STK4: variants seen among roughly 807,000 people sequenced by gnomAD.
The protein encoded by STK4 is serine/threonine-protein kinase 4.
STK4 carries 30 observed loss-of-function variants against 64.9 expected under a neutral mutation model. The observed-to-expected ratio is 0.46, with a 90% CI of 0.35 to 0.63. The LOEUF (loss-of-function observed/expected upper bound fraction) is 0.63, where lower values mean the gene tolerates loss of function less well. Ranked by LOEUF, STK4 falls within the 20% of genes least tolerant of loss-of-function variation. STK4 has a pLI of 0.01. For missense variants in STK4, 466 were observed against 598.5 expected (o/e 0.78, Z 2.31); for synonymous variants, 177 against 199.0 (o/e 0.89, Z 0.93).
chr20:45,057,347 A>G (rs1978575392), intron 10 of STK4, among the ~76,000 whole-genome samples: 1 of 152,220 alleles, frequency 6.6e-6, no homozygotes, highest in South Asian at 2.1e-4. Context: ...TCTTAGAGGT[A>G]ACACACTATC....
At chr20:44,972,812 A>G (rs1390151949) in intron 2 of STK4, 2 of 152,036 alleles carry the variant, frequency 1.3e-5, no homozygotes, top group South Asian at 2.1e-4. Flanking sequence ...TAAAATGTTA[A>G]TGACACCATT....
intron 10 of STK4, among the ~76,000 whole-genome samples, chr20:45,027,383 T>C (rs1336070629): frequency 7.3e-6 from 1 of 137,440 alleles, no homozygotes. Context: ...TGAGCCGAGA[T>C]CATGCCATTG....
chr20:45,049,895 C>T (rs2068751384), intron 10 of STK4, among the ~76,000 whole-genome samples: 1 of 152,268 alleles, frequency 6.6e-6, no homozygotes, highest in East Asian at 1.9e-4. Context: ...TGTACTCCAT[C>T]ACTTTCCACT....
rs1244915214 is a variant in STK4 at position 44,994,243 on chromosome 20, ATCTT to A, written c.526-845_526-842del. 2.7e-5 allele frequency among the ~76,000 whole-genome samples: 4 copies of A among 149,702 alleles called. No individual in the cohort carries two copies. The Admixed American group carries it at 2.8e-4, about 10-fold the overall frequency. ...GATGTATACAGGATAGACAGTAAAA[ATCTT>A]TAGTGATTCTGCCTACTAGATATAA... On this transcript the variant is annotated intron_variant, in intron 5 of 10. Transcript: ENST00000372806.
intron 10 of STK4, among the ~76,000 whole-genome samples, chr20:45,060,567 G>T (rs550349117): frequency 8.7e-4 from 133 of 152,214 alleles, no homozygotes; most frequent in African/African-American, 2.9e-3. Context: ...ACACGCTAAG[G>T]TTCCTATCCT....
intron 9 of STK4, among the ~76,000 whole-genome samples, chr20:45,022,602 C>T (rs777231983): frequency 1.5e-4 from 23 of 152,126 alleles, no homozygotes; most frequent in Admixed American, 3.3e-4. Context: ...TAGAATTAGA[C>T]CACAGAAATG....
At chr20:45,044,392 T>C (rs2068660869) in intron 10 of STK4, among the ~76,000 whole-genome samples, 1 of 152,158 alleles carries the variant, frequency 6.6e-6, no homozygotes, top group African/African-American at 2.4e-5. Context: ...ATGCCTATAA[T>C]CCCAGCTTTT....
chr20:45,006,091 T>A (rs1172551000), intron 9 of STK4, among the ~76,000 whole-genome samples: 1 of 151,774 alleles, frequency 6.6e-6, no homozygotes, highest in African/African-American at 2.4e-5. Context: ...ATTTTTTTTT[T>A]CCTTCTAATT....
intron 2 of STK4, among the ~76,000 whole-genome samples, chr20:44,976,227 A>T (rs1340584766): frequency 6.6e-6 from 1 of 152,270 alleles, no homozygotes; most frequent in African/African-American, 2.4e-5. Context: ...TGAAAGATAG[A>T]AATGAGACTG....
chr20:45,032,467 T>C (rs1261232705), intron 10 of STK4, among the ~76,000 whole-genome samples: 2 of 152,136 alleles, frequency 1.3e-5, no homozygotes, highest in Non-Finnish European at 2.9e-5. Context: ...TGTTCTGTTC[T>C]TTGTGTCCAT....
Position 45,059,009 on chromosome 20 carries a change from G to A in STK4, c.1306-16009G>A, listed in dbSNP as rs541052728. On this transcript the variant is annotated intron_variant, in intron 10 of 10. Coordinates refer to ENST00000372806, the MANE Select transcript of STK4 (RefSeq NM_006282.5). Reference sequence around the variant, plus strand: ...TTATACACCAATTTAAAACTACAGTGTCCCCCTTGTCAATGGGGGAATATG... The same window carrying A: ...TTATACACCAATTTAAAACTACAGTATCCCCCTTGTCAATGGGGGAATATG... Among the ~76,000 whole-genome samples, 11 of 152,176 alleles carry A rather than the reference G, an allele frequency of 7.2e-5. No individual in the cohort carries two copies. In the South Asian group the frequency reaches 2.3e-3, roughly 32 times the overall value.
chr20:45,072,346 C>T (rs766896587), intron 10 of STK4, among the ~76,000 whole-genome samples: 6 of 152,178 alleles, frequency 3.9e-5, no homozygotes, highest in Non-Finnish European at 8.8e-5. Context: ...ACTTATATGT[C>T]TTCATTTTGC....
chr20:44,977,306 C>T (rs1366469036), intron 2 of STK4, among the ~76,000 whole-genome samples: 1 of 152,154 alleles, frequency 6.6e-6, no homozygotes, highest in African/African-American at 2.4e-5. Flanking sequence ...GTTACTTTCA[C>T]ATTGAAACAG....
chr20:45,000,866 A>G (rs2067825353), intron 8 of STK4, among the ~76,000 whole-genome samples: 1 of 152,192 alleles, frequency 6.6e-6, no homozygotes, highest in African/African-American at 2.4e-5. Flanking sequence ...ACATTTATAG[A>G]CTTCTTCACA....
intron 10 of STK4, among the ~76,000 whole-genome samples, chr20:45,042,551 A>T (rs975693594): frequency 2.6e-5 from 4 of 152,230 alleles, no homozygotes; most frequent in African/African-American, 9.6e-5. Flanking sequence ...TGGATCCTCC[A>T]CTACTCAAGT....
chr20:44,972,015 T>C (rs978811910), intron 1 of STK4, 63 bp from the exon 2 acceptor site: 14 of 1,455,500 alleles, frequency 9.6e-6, no homozygotes, highest in Admixed American at 1.8e-5. Context: ...AAAAAAGATA[T>C]ATTTTATGTT....
At chr20:45,001,138 C>G (rs962510499) in intron 8 of STK4, 29 bp from the exon 9 acceptor site, 24 of 1,582,410 alleles carry the variant, frequency 1.5e-5, no homozygotes, top group Non-Finnish European at 2.1e-5. Flanking sequence ...GTCAAATTAG[C>G]CCCAATTTGA....
chr20:45,000,284 C>T (rs770179897), intron 7 of STK4, 108 bp from the exon 8 acceptor site: 37 of 1,357,964 alleles, frequency 2.7e-5, no homozygotes, highest in Non-Finnish European at 3.4e-5. Context: ...AGATCAGATT[C>T]GTTGATTGAT....
chr20:45,053,804 G>A (rs899568934), intron 10 of STK4, among the ~76,000 whole-genome samples: 3 of 152,170 alleles, frequency 2.0e-5, no homozygotes, highest in East Asian at 3.9e-4. Flanking sequence ...ACATTTGCTT[G>A]ACTACCTGCA....
Sources: gnomAD v4.1 joint callset for allele counts (sites outside exome capture counted in the v4.1 genomes callset) on GRCh38, gnomAD v4.1.1 for gene constraint, MANE v1.5 for transcripts, NCBI Gene and HGNC (gene_info 2026-07-23, HGNC 2026-07-21) for gene names.